Variants in LPP observed in about 807,000 individuals in gnomAD.
The protein encoded by LPP is lipoma-preferred partner.
Under a neutral mutation model 60.4 loss-of-function variants are expected in LPP, and 38 were observed. That is an observed-to-expected ratio of 0.63 (90% CI 0.49 to 0.83). The LOEUF is 0.83. LPP is among the 40% of genes least tolerant of loss of function. The pLI is 0.00. For missense variants in LPP, 902 were observed against 783.6 expected (o/e 1.15, Z -1.80); for synonymous variants, 328 against 290.8 (o/e 1.13, Z -1.30).
chr3:188,844,545 TGTTAAATCAATA>T (rs201336269), intron 9 of LPP, among the ~76,000 whole-genome samples: 1,676 of 152,354 alleles, frequency 0.011, 27 homozygotes, highest in African/African-American at 0.038. Flanking sequence ...TTCTAGCTTG[TGTTAAATCAATA>T]ATGTAGTGAT....
At chr3:188,605,370 CA>C (rs1842193046) in intron 6 of LPP, among the ~76,000 whole-genome samples, 1 of 152,128 alleles carries the variant, frequency 6.6e-6, no homozygotes, top group African/African-American at 2.4e-5. Context: ...TAGGCAGTCT[CA>C]GAAATGATTC....
intron 9 of LPP, among the ~76,000 whole-genome samples, chr3:188,819,976 A>G (rs941945888): frequency 1.3e-5 from 2 of 152,158 alleles, no homozygotes; most frequent in African/African-American, 4.8e-5. Context: ...GAAGCTTTGC[A>G]CTCTAACTTG....
At chr3:188,377,208 A>G (rs1775393123) in intron 3 of LPP, among the ~76,000 whole-genome samples, 1 of 152,094 alleles carries the variant, frequency 6.6e-6, no homozygotes. Flanking sequence ...CTCGAGGAGT[A>G]TCTTTGTGGC....
At chr3:188,169,728 C>G (rs1390692825) in intron 1 of LPP, among the ~76,000 whole-genome samples, 2 of 152,158 alleles carry the variant, frequency 1.3e-5, no homozygotes, top group Non-Finnish European at 2.9e-5. Context: ...AGAGCATTTC[C>G]TGGGTTCAGT....
chr3:188,377,821 TC>T (rs1447500645), intron 3 of LPP, among the ~76,000 whole-genome samples: 2 of 152,170 alleles, frequency 1.3e-5, no homozygotes, highest in Admixed American at 1.3e-4. Flanking sequence ...TCTGTTTTTT[TC>T]CCATCTTTGT....
At chr3:188,480,859 T>A (rs1804576597) in intron 4 of LPP, among the ~76,000 whole-genome samples, 1 of 152,214 alleles carries the variant, frequency 6.6e-6, no homozygotes, top group African/African-American at 2.4e-5. Flanking sequence ...TCCAGGGGCT[T>A]TCCTCCAGAA....
At position 188,693,707 on chromosome 3, in the gene LPP, C is replaced by A. The variant is rs371551795; in HGVS notation, c.1114-14560C>A. On this transcript the variant is annotated intron_variant, in intron 7 of 11. Coordinates refer to ENST00000617246, the MANE Select transcript of LPP (RefSeq NM_001375462.1). ...TGCCAGCTGTTGTCAGTGTGTGTCGCCTCGCCGAGAATAACAGCAATGATT... is the reference window on the plus strand; with the variant it reads ...TGCCAGCTGTTGTCAGTGTGTGTCGACTCGCCGAGAATAACAGCAATGATT... Among the ~76,000 whole-genome samples the A allele has an allele frequency of 9.2e-5, 14 of 152,238 alleles. 1 individual carries two copies. Among genetic ancestry groups the A allele is most frequent in the East Asian group, 3.9e-4 (2 of 5,166 alleles).
intron 4 of LPP, among the ~76,000 whole-genome samples, chr3:188,427,268 T>C (rs568572126): frequency 2.6e-5 from 4 of 152,366 alleles, no homozygotes; most frequent in Admixed American, 2.6e-4. Flanking sequence ...TTTATCAATG[T>C]TGAATATTGG....
chr3:188,830,338 G>C (rs113998611), intron 9 of LPP, among the ~76,000 whole-genome samples: 1 of 150,136 alleles, frequency 6.7e-6, no homozygotes, highest in East Asian at 1.9e-4. Flanking sequence ...AACCAGGCGC[G>C]GTGGCTCTGT....
At chr3:188,374,713 G>A (rs1464768261) in intron 3 of LPP, among the ~76,000 whole-genome samples, 7 of 152,184 alleles carry the variant, frequency 4.6e-5, no homozygotes, top group African/African-American at 1.4e-4. Flanking sequence ...TCTCCTGCCT[G>A]ATTGCCCTGG....
chr3:188,579,038 A>C (rs1196370217), intron 6 of LPP, among the ~76,000 whole-genome samples: 1 of 152,180 alleles, frequency 6.6e-6, no homozygotes, highest in African/African-American at 2.4e-5. Flanking sequence ...ACCAAAAAAA[A>C]AGGGGGTAGT....
intron 7 of LPP, among the ~76,000 whole-genome samples, chr3:188,623,517 C>G (rs1846211937): frequency 6.6e-6 from 1 of 152,132 alleles, no homozygotes; most frequent in African/African-American, 2.4e-5. Context: ...CTTGGCCCCC[C>G]AAAGTCCTGG....
chr3:188,550,741 G>T (rs1376283417), intron 6 of LPP, among the ~76,000 whole-genome samples: 3 of 152,124 alleles, frequency 2.0e-5, no homozygotes, highest in African/African-American at 4.8e-5. Flanking sequence ...TGGAAAGGCT[G>T]TTAGTTTAGA....
chr3:188,399,017 A>T (rs1781610849), intron 3 of LPP, among the ~76,000 whole-genome samples: 1 of 152,248 alleles, frequency 6.6e-6, no homozygotes, highest in African/African-American at 2.4e-5. Context: ...AATCTGCTTT[A>T]CTTGGCGTTG....
chr3:188,465,329 G>T (rs865931912), intron 4 of LPP, among the ~76,000 whole-genome samples: 1 of 152,088 alleles, frequency 6.6e-6, no homozygotes, highest in Admixed American at 6.6e-5. Flanking sequence ...GAGAAATTCC[G>T]CAATGAGTAA....
intron 8 of LPP, among the ~76,000 whole-genome samples, chr3:188,729,433 A>T (rs1393038425): frequency 3.3e-5 from 5 of 152,220 alleles, no homozygotes; most frequent in African/African-American, 1.2e-4. Flanking sequence ...AACTGAAGGG[A>T]TAACCATTTC....
intron 7 of LPP, among the ~76,000 whole-genome samples, chr3:188,693,852 T>C (rs1862634534): frequency 6.6e-6 from 1 of 152,224 alleles, no homozygotes; most frequent in South Asian, 2.1e-4. Context: ...TGCGTCACTC[T>C]TCTGAGTGAA....
rs116663836 is a variant in LPP, at chr3:188,588,723, C to T, written c.430-20438C>T. ...AATTCTGCCACATTTGTTTGTTCTCCATACACACCTTAGCCTTTTGTCTAT... is the reference window on the plus strand; with the variant it reads ...AATTCTGCCACATTTGTTTGTTCTCTATACACACCTTAGCCTTTTGTCTAT... On this transcript the variant is annotated intron_variant, in intron 6 of 11. Coordinates refer to ENST00000617246, the MANE Select transcript of LPP (RefSeq NM_001375462.1). Among the ~76,000 whole-genome samples, 475 of 152,278 alleles carry T rather than the reference C, an allele frequency of 3.1e-3. 5 individuals are homozygous for T. The highest frequency in any genetic ancestry group is 0.01 in the Middle Eastern group (3 of 294).
At chr3:188,720,467 A>T (rs1343612516) in intron 8 of LPP, among the ~76,000 whole-genome samples, 3 of 152,152 alleles carry the variant, frequency 2.0e-5, no homozygotes, top group Non-Finnish European at 1.5e-5. Flanking sequence ...TAAAATGCTG[A>T]AATAGTTCAT....
Sources: allele counts gnomAD v4.1 joint callset (sites outside exome capture counted in the v4.1 genomes callset), GRCh38; gene constraint gnomAD v4.1.1; transcripts MANE v1.5; gene names NCBI Gene and HGNC (gene_info 2026-07-23, HGNC 2026-07-21).